The following FGGY variants were observed in gnomAD, a reference collection of about 807,000 sequenced individuals.
The protein encoded by FGGY is FGGY carbohydrate kinase domain-containing protein.
FGGY carries 72 observed loss-of-function variants against 71.3 expected under a neutral mutation model. The ratio of observed to expected loss-of-function variants is 1.01; its 90% CI spans 0.84 to 1.23. FGGY has a LOEUF of 1.23. FGGY is among the 50% of genes most tolerant of loss of function. FGGY has a pLI of 0.00. For missense variants in FGGY, 668 were observed against 682.3 expected (o/e 0.98, Z 0.23); for synonymous variants, 251 against 250.3 (o/e 1.00, Z -0.02).
At chr1:59,614,802 C>T (rs1036161440) in intron 9 of FGGY, among the ~76,000 whole-genome samples, 38 of 152,144 alleles carry the variant, frequency 2.5e-4, no homozygotes, top group Non-Finnish European at 4.4e-4. Context: ...TCAGCAAACT[C>T]CCCGGATACA....
intron 12 of FGGY, among the ~76,000 whole-genome samples, chr1:59,664,431 G>T (rs2097305548): frequency 6.6e-6 from 1 of 152,228 alleles, no homozygotes; most frequent in Middle Eastern, 3.2e-3. Context: ...TCGAGGGAGT[G>T]CCTCTCATTC....
intron 1 of FGGY, among the ~76,000 whole-genome samples, chr1:59,304,307 C>T (rs12760790): frequency 1.8e-3 from 277 of 152,184 alleles, no homozygotes; most frequent in Non-Finnish European, 3.6e-3. Context: ...CCAGTTTTTC[C>T]AACACCATTT....
intron 14 of FGGY, among the ~76,000 whole-genome samples, chr1:59,735,715 G>A (rs528278351): frequency 2.6e-5 from 4 of 152,336 alleles, no homozygotes; most frequent in African/African-American, 4.8e-5. Flanking sequence ...GTTTCAAAAC[G>A]AGGTCTCTGT....
At chr1:59,673,048 C>A (rs772751059) in intron 13 of FGGY, among the ~76,000 whole-genome samples, 1 of 152,166 alleles carries the variant, frequency 6.6e-6, no homozygotes, top group South Asian at 2.1e-4. Flanking sequence ...AGTGACTCAT[C>A]ATTCAGTCAC....
chr1:59,391,492 G>A (rs1407459709), intron 5 of FGGY, among the ~76,000 whole-genome samples: 1 of 152,184 alleles, frequency 6.6e-6, no homozygotes, highest in Non-Finnish European at 1.5e-5. Context: ...CTACATTGAG[G>A]CAAAGTCTGA....
chr1:59,681,760 A>T (rs752751676), intron 14 of FGGY, among the ~76,000 whole-genome samples: 2 of 151,476 alleles, frequency 1.3e-5, no homozygotes, highest in Non-Finnish European at 2.9e-5. Flanking sequence ...ATATTCTGTG[A>T]TGGGGAAAAT....
chr1:59,338,958 A>C (rs2050133698), intron 2 of FGGY, among the ~76,000 whole-genome samples: 1 of 152,156 alleles, frequency 6.6e-6, no homozygotes, highest in South Asian at 2.1e-4. Flanking sequence ...AAGCAACCCT[A>C]CTCTGAAACT....
chr1:59,587,160 AG>A (rs1188567158), intron 8 of FGGY, among the ~76,000 whole-genome samples: 1 of 152,218 alleles, frequency 6.6e-6, no homozygotes, highest in African/African-American at 2.4e-5. Flanking sequence ...CCTGGCTTGG[AG>A]GGTCCTGCAC....
At chr1:59,726,784 T>C (rs1423916054) in intron 14 of FGGY, among the ~76,000 whole-genome samples, 2 of 152,194 alleles carry the variant, frequency 1.3e-5, no homozygotes, top group Non-Finnish European at 2.9e-5. Context: ...TTGCTCTTTC[T>C]AAAGAACCAG....
At chr1:59,595,526 T>C (rs2153800707) in intron 8 of FGGY, among the ~76,000 whole-genome samples, 1 of 152,038 alleles carries the variant, frequency 6.6e-6, no homozygotes, top group East Asian at 1.9e-4. Context: ...CCATCTCTAC[T>C]GAAAATACAA....
chr1:59,313,382 A>G (rs1361165539), intron 1 of FGGY, among the ~76,000 whole-genome samples: 1 of 152,216 alleles, frequency 6.6e-6, no homozygotes, highest in African/African-American at 2.4e-5. Flanking sequence ...TATTCCTAGC[A>G]TCCTGGCATA....
chr1:59,481,022 C>T (rs1399018027), intron 6 of FGGY, among the ~76,000 whole-genome samples: 1 of 151,992 alleles, frequency 6.6e-6, no homozygotes, highest in East Asian at 1.9e-4. Context: ...TCTTGACATA[C>T]ACACATATAA....
At chr1:59,363,011 A>G (rs1256074215) in intron 4 of FGGY, among the ~76,000 whole-genome samples, 2 of 152,240 alleles carry the variant, frequency 1.3e-5, no homozygotes, top group Non-Finnish European at 1.5e-5. Flanking sequence ...AATGAATTAT[A>G]GTTCTTTCCT....
At chr1:59,721,331 T>C (rs2097890714) in intron 14 of FGGY, among the ~76,000 whole-genome samples, 1 of 119,610 alleles carries the variant, frequency 8.4e-6, no homozygotes, top group Non-Finnish European at 1.7e-5. Flanking sequence ...TTCTTTTCTT[T>C]CCTTTGTTTT....
chr1:59,372,794 A>G (rs182037915), intron 4 of FGGY, among the ~76,000 whole-genome samples: 5,204 of 152,236 alleles, frequency 0.034, 217 homozygotes, highest in African/African-American at 0.1. Context: ...TATAAACAGA[A>G]CCAAAGACAA....
chr1:59,345,592 A>G lies in FGGY; in HGVS notation c.314-655A>G, dbSNP rs149187048. 2.9e-3 allele frequency among the ~76,000 whole-genome samples: 439 copies of G among 152,188 alleles called. 2 individuals are homozygous for G. Among genetic ancestry groups the G allele is most frequent in the African/African-American group, 0.01 (416 of 41,524 alleles). On this transcript the variant is annotated intron_variant, in intron 3 of 15. Coordinates refer to ENST00000303721, the MANE Select transcript of FGGY (RefSeq NM_018291.5). ...TATGTGCATTATCTTTTGTTTAAAA[A>G]CTTCCTGAATTATACATCTTCATCT...
chr1:59,711,819 C>T (rs2097796295), intron 14 of FGGY, among the ~76,000 whole-genome samples: 1 of 152,168 alleles, frequency 6.6e-6, no homozygotes, highest in African/African-American at 2.4e-5. Flanking sequence ...CCAGGTCCCT[C>T]CCACAGCATG....
At chr1:59,748,972 A>C (rs77501749) in intron 14 of FGGY, among the ~76,000 whole-genome samples, 1 of 152,180 alleles carries the variant, frequency 6.6e-6, no homozygotes. Context: ...GATTGAGTCA[A>C]TCACCGATGG....
At chr1:59,621,266 A>G (rs1446031699) in intron 9 of FGGY, among the ~76,000 whole-genome samples, 1 of 152,096 alleles carries the variant, frequency 6.6e-6, no homozygotes, top group South Asian at 2.1e-4. Context: ...CAATATATGA[A>G]TTTGAGGTGA....
Sources: gnomAD v4.1 joint callset for allele counts (sites outside exome capture counted in the v4.1 genomes callset) on GRCh38, gnomAD v4.1.1 for gene constraint, MANE v1.5 for transcripts, NCBI Gene and HGNC (gene_info 2026-07-23, HGNC 2026-07-21) for gene names.